Variants in ZNF831 observed in about 807,000 individuals in gnomAD.
ZNF831 encodes chromosome 20 open reading frame 174.
In ZNF831, 59 loss-of-function variants were observed where a neutral mutation model predicts 95.8. The ratio of observed to expected loss-of-function variants is 0.62; its 90% CI spans 0.50 to 0.77. The LOEUF is 0.77. Among genes scored for constraint, ZNF831 ranks in the 30% least tolerant of loss-of-function variants. ZNF831 has a pLI of 0.00. For synonymous variants in ZNF831, 961 were observed against 925.5 expected, an observed-to-expected ratio of 1.04 and a Z score of -0.70; for missense variants, 2,205 against 2,164.0, an observed-to-expected ratio of 1.02 and a Z score of -0.38.
intron 1 of ZNF831, among the ~76,000 whole-genome samples, chr20:59,180,390 A>T (rs539905848): frequency 6.6e-6 from 1 of 152,186 alleles, no homozygotes; most frequent in African/African-American, 2.4e-5. Flanking sequence ...TCTGGGATAC[A>T]TGTGCAGAAC....
rs1555837582 is a variant in ZNF831 at position 59,253,860 on chromosome 20, C to CA, written c.4189-38_4189-37insA. On this transcript the variant is annotated intron_variant, in intron 5 of 5. Coordinates refer to ENST00000371030, the MANE Select transcript of ZNF831 (RefSeq NM_178457.3). ...CATTTTTCTTTGTACCAATTAACCTCCCCCCCCACTTTTTTTTTCCTTTGC... is the reference window on the plus strand; with the variant it reads ...CATTTTTCTTTGTACCAATTAACCTCACCCCCCCACTTTTTTTTTCCTTTGC... 29 of 904,348 alleles carry CA rather than the reference C, an allele frequency of 3.2e-5. 2 individuals are homozygous for CA. Among genetic ancestry groups the CA allele is most frequent in the Admixed American group, 1.4e-4 (4 of 29,608 alleles). The allele number at this position is 904,348 out of a possible 1,614,324, so 56.0% of individuals were successfully genotyped here. A position where few individuals can be genotyped will look rare whatever the true frequency, so the allele number is the denominator to read the frequency against.
chr20:59,222,397 T>A (rs1986141318), intron 4 of ZNF831, among the ~76,000 whole-genome samples: 1 of 151,928 alleles, frequency 6.6e-6, no homozygotes, highest in African/African-American at 2.4e-5. Context: ...TGGATGCTTC[T>A]GGAAGAACAC....
intron 1 of ZNF831, among the ~76,000 whole-genome samples, chr20:59,143,188 TG>T (rs1979735303): frequency 1.3e-5 from 2 of 152,234 alleles, no homozygotes; most frequent in African/African-American, 4.8e-5. Flanking sequence ...TGTGAGCCAC[TG>T]CACCTGGCCC....
chr20:59,203,671 G>GT (rs944383339), intron 3 of ZNF831, among the ~76,000 whole-genome samples: 1 of 152,094 alleles, frequency 6.6e-6, no homozygotes, highest in Non-Finnish European at 1.5e-5. Flanking sequence ...TATACTTGAA[G>GT]TTTTTTTCAG....
chr20:59,253,220 G>C, intron 5 of ZNF831, 82 bp downstream of exon 5: 1 of 1,503,452 alleles, frequency 6.7e-7, no homozygotes, highest in South Asian at 1.3e-5. Flanking sequence ...CTCTTGTTCA[G>C]TGTGGCAGAA....
intron 4 of ZNF831, among the ~76,000 whole-genome samples, chr20:59,224,036 G>A (rs1281049611): frequency 1.3e-5 from 2 of 152,364 alleles, no homozygotes; most frequent in African/African-American, 2.4e-5. Context: ...TCTTTTGGGG[G>A]TGGATGGATT....
At chr20:59,184,700 G>A (rs186864494) in intron 1 of ZNF831, among the ~76,000 whole-genome samples, 18 of 152,160 alleles carry the variant, frequency 1.2e-4, no homozygotes, top group African/African-American at 4.3e-4. Context: ...TCTGCTAAAC[G>A]TATCCAATAT....
intron 4 of ZNF831, among the ~76,000 whole-genome samples, chr20:59,245,680 T>C (rs767114646): frequency 5.3e-5 from 8 of 152,242 alleles, no homozygotes; most frequent in Non-Finnish European, 8.8e-5. Context: ...AAAATGCATT[T>C]TCCTCAGTCA....
chr20:59,154,756 T>C (rs1235841946), intron 2 of ZNF831, among the ~76,000 whole-genome samples: 1 of 152,190 alleles, frequency 6.6e-6, no homozygotes, highest in Non-Finnish European at 1.5e-5. Context: ...AGAGTGCCCA[T>C]TTAGCGCCTT....
chr20:59,206,403 G>A (rs2146635942), intron 3 of ZNF831, among the ~76,000 whole-genome samples: 1 of 152,310 alleles, frequency 6.6e-6, no homozygotes, highest in South Asian at 2.1e-4. Context: ...CAGTACAGTG[G>A]TCACTAGCCA....
rs535768400 is a variant in ZNF831 at position 59,238,065 on chromosome 20, T to C, written c.4028-14913T>C. On this transcript the variant is annotated intron_variant, in intron 4 of 5. Coordinates refer to ENST00000371030, the MANE Select transcript of ZNF831 (RefSeq NM_178457.3). The stretch of plus-strand genomic sequence containing the variant: ...CCTGAAACTCATATGGAACCAGTCA[T>C]CCATATTTTATCTGCCAACCCTTCC... Among the ~76,000 whole-genome samples the C allele has an allele frequency of 2.6e-5, 4 of 152,306 alleles. No individual in the cohort carries two copies. The South Asian group carries it at 8.3e-4, about 32-fold the overall frequency.
In ZNF831 at chr20:59,194,275, A is replaced by G. The variant is rs201309918; in HGVS notation, c.3256A>G (p.Arg1086Gly). ...HRLCMGSTLA[R>G]ARLSGDVLNP... is the part of the protein sequence containing the mutation. Reference sequence around the variant, plus strand: ...CCTCTGCATGGGCAGCACTTTGGCAAGGGCCAGGCTCTCTGGGGATGTCCT... The same window carrying G: ...CCTCTGCATGGGCAGCACTTTGGCAGGGGCCAGGCTCTCTGGGGATGTCCT... Residue 1086 changes from arginine (R) to glycine (G), a missense_variant, in exon 2 of 6, where the codon AGG (arginine) becomes GGG (glycine). Physicochemically the swap from Arg to Gly is moderately radical, Grantham distance 125. Transcript: ENST00000371030. 32 of 1,613,918 alleles carry G rather than the reference A, an allele frequency of 2.0e-5. No individual in the cohort carries two copies. Among genetic ancestry groups the G allele is most frequent in the Non-Finnish European group, 2.6e-5 (31 of 1,180,008 alleles).
chr20:59,202,832 C>T (rs184353377), intron 3 of ZNF831, among the ~76,000 whole-genome samples: 3 of 152,224 alleles, frequency 2.0e-5, no homozygotes, highest in African/African-American at 4.8e-5. Context: ...TTTTCCAGGG[C>T]GCAGCTCTCA....
rs192518425 is a variant in ZNF831 at position 59,243,740 on chromosome 20, C to T, written c.4028-9238C>T. Among the ~76,000 whole-genome samples, 17 of 152,264 alleles carry T rather than the reference C, an allele frequency of 1.1e-4. No individual in the cohort carries two copies. The East Asian group carries it at 3.3e-3, about 29-fold the overall frequency. On this transcript the variant is annotated intron_variant, in intron 4 of 5. Coordinates refer to ENST00000371030, the MANE Select transcript of ZNF831 (RefSeq NM_178457.3). ...AATATTGCTTACAGAATTGCTGAAACAGGATAACATCTCCTTCCCCAGAGT... is the reference window on the plus strand; with the variant it reads ...AATATTGCTTACAGAATTGCTGAAATAGGATAACATCTCCTTCCCCAGAGT...
chr20:59,242,656 A>T (rs1462030738), intron 4 of ZNF831, among the ~76,000 whole-genome samples: 1 of 152,256 alleles, frequency 6.6e-6, no homozygotes, highest in African/African-American at 2.4e-5. Context: ...CTGAAATAAA[A>T]TGTATGATTA....
intron 4 of ZNF831, among the ~76,000 whole-genome samples, chr20:59,213,615 T>C (rs1985488596): frequency 6.6e-6 from 1 of 152,166 alleles, no homozygotes; most frequent in Non-Finnish European, 1.5e-5. Context: ...TTCCTGAAGC[T>C]TAGTTTCAGG....
chr20:59,191,815 G>T lies in ZNF831; in HGVS notation c.796G>T (p.Ala266Ser), dbSNP rs745953717. 7 of 1,613,398 alleles carry T rather than the reference G, an allele frequency of 4.3e-6. No individual in the cohort carries two copies. The South Asian group carries it at 7.7e-5, about 18-fold the overall frequency. The change falls in exon 2 of 6, where the codon GCT (alanine) becomes TCT (serine). Residue 266 changes from alanine (A) to serine (S), a missense_variant. By Grantham distance (99) the Ala-to-Ser change is moderately conservative (BLOSUM62 1). Coordinates refer to ENST00000371030, the MANE Select transcript of ZNF831 (RefSeq NM_178457.3). ...GAACCTGGATGTGAGGACCGAAGCT[G>T]CTCCCTGTCCAGGGTCCGCATTTGC... ...AKNLDVRTEA[A>S]PCPGSAFADR...
In ZNF831 at chr20:59,193,155, G is replaced by A. The variant is rs2146577933; in HGVS notation, c.2136G>A (p.Glu712=). 6.3e-7 allele frequency: 1 copy of A among 1,575,392 alleles called. No homozygotes were observed. Among genetic ancestry groups the A allele is most frequent in the Non-Finnish European group, 8.6e-7 (1 of 1,160,078 alleles). Reference sequence around the variant, plus strand: ...TGACTGAACCCACTAAGCATGGGGAGACGGTGGCCAGGAGAGGAGACAGTG... The same window carrying A: ...TGACTGAACCCACTAAGCATGGGGAAACGGTGGCCAGGAGAGGAGACAGTG... ...SLVTEPTKHG[E]TVARRGDSDR... The change falls in exon 2 of 6, where the codon GAG becomes GAA. Residue 712 remains glutamate, a synonymous_variant. Coordinates refer to ENST00000371030, the MANE Select transcript of ZNF831 (RefSeq NM_178457.3).
At chr20:59,234,079 T>G (rs1986877304) in intron 4 of ZNF831, among the ~76,000 whole-genome samples, 1 of 152,192 alleles carries the variant, frequency 6.6e-6, no homozygotes, top group Admixed American at 6.5e-5. Context: ...GTGGGCCACC[T>G]TGGGGTAGCC....
Sources: allele counts gnomAD v4.1 joint callset (sites outside exome capture counted in the v4.1 genomes callset), GRCh38; gene constraint gnomAD v4.1.1; transcripts MANE v1.5; gene names NCBI Gene and HGNC (gene_info 2026-07-23, HGNC 2026-07-21).